Variants in TFEC observed in about 807,000 individuals in gnomAD.
The protein encoded by TFEC is transcription factor EC.
In TFEC, 31 loss-of-function variants were observed where a neutral mutation model predicts 41.6. The observed-to-expected ratio is 0.74, with a 90% CI of 0.56 to 1.01. The LOEUF is 1.01. TFEC is among the 50% of genes least tolerant of loss of function. TFEC has a pLI of 0.00. For missense variants in TFEC, 402 were observed against 404.1 expected, an observed-to-expected ratio of 0.99 and a Z score of 0.04; for synonymous variants, 143 against 140.6, an observed-to-expected ratio of 1.02 and a Z score of -0.12.
chr7:116,069,196 ACT>A (rs1475997793), intron 3 of TFEC, among the ~76,000 whole-genome samples: 1 of 151,606 alleles, frequency 6.6e-6, no homozygotes, highest in East Asian at 1.9e-4. Context: ...AGATAAAAAA[ACT>A]CTGGCAAAAT....
intron 3 of TFEC, among the ~76,000 whole-genome samples, chr7:116,076,064 G>A (rs533669979): frequency 6.8e-4 from 104 of 152,220 alleles, no homozygotes; most frequent in Non-Finnish European, 1.1e-3. Context: ...TGTTATCCAC[G>A]GCTGAAAGAC....
chr7:115,970,515 C>T (rs910974838), intron 3 of TFEC, among the ~76,000 whole-genome samples: 4 of 151,692 alleles, frequency 2.6e-5, no homozygotes, highest in Non-Finnish European at 5.9e-5. Context: ...AGAGGAAATG[C>T]GTTTAAAGGG....
chr7:115,970,962 G>C (rs1045245850), intron 3 of TFEC, among the ~76,000 whole-genome samples: 3 of 151,922 alleles, frequency 2.0e-5, no homozygotes, highest in Admixed American at 1.3e-4. Context: ...ATGTAAAATG[G>C]ACTAACGCAG....
chr7:116,068,692 A>G (rs761035727), intron 3 of TFEC, among the ~76,000 whole-genome samples: 1 of 151,620 alleles, frequency 6.6e-6, no homozygotes, highest in Admixed American at 6.6e-5. Context: ...TTGCCTTCAC[A>G]TATCTTAATG....
chr7:116,102,393 T>C (rs1797624520), intron 3 of TFEC, among the ~76,000 whole-genome samples: 1 of 152,202 alleles, frequency 6.6e-6, no homozygotes, highest in African/African-American at 2.4e-5. Flanking sequence ...ATTTAGATGA[T>C]GACTGATCTC....
intron 3 of TFEC, among the ~76,000 whole-genome samples, chr7:116,044,425 CACTT>C (rs1183027602): frequency 2.6e-5 from 4 of 152,282 alleles, no homozygotes; most frequent in South Asian, 2.1e-4. Flanking sequence ...TTGAACATAA[CACTT>C]AATTGTTTGA....
chr7:116,139,818 A>T (rs1798504455), intron 1 of TFEC, among the ~76,000 whole-genome samples: 1 of 152,178 alleles, frequency 6.6e-6, no homozygotes, highest in Non-Finnish European at 1.5e-5. Context: ...ATAAATCACC[A>T]GATGATGGTA....
chr7:115,981,562 A>C (rs1167518282), intron 2 of TFEC, among the ~76,000 whole-genome samples: 1 of 152,200 alleles, frequency 6.6e-6, no homozygotes, highest in Non-Finnish European at 1.5e-5. Flanking sequence ...AATGTGAATA[A>C]GGTATTGTAT....
chr7:116,114,998 G>A (rs1327823259), intron 1 of TFEC, among the ~76,000 whole-genome samples: 1 of 151,942 alleles, frequency 6.6e-6, no homozygotes, highest in Non-Finnish European at 1.5e-5. Context: ...TCATGAGCAT[G>A]AGGGATAGCC....
intron 3 of TFEC, among the ~76,000 whole-genome samples, chr7:116,096,503 T>G (rs1797464082): frequency 6.6e-6 from 1 of 152,168 alleles, no homozygotes; most frequent in South Asian, 2.1e-4. Flanking sequence ...TTTTAGCCAT[T>G]CTAATATGTG....
chr7:115,958,096 T>C (rs1189077799), intron 3 of TFEC, among the ~76,000 whole-genome samples: 1 of 151,874 alleles, frequency 6.6e-6, no homozygotes, highest in Non-Finnish European at 1.5e-5. Flanking sequence ...GTTTACTTTA[T>C]ATAAACTTAA....
upstream of TFEC, among the ~76,000 whole-genome samples, chr7:116,031,135 C>T (rs41281069): frequency 2.4e-4 from 36 of 152,086 alleles, no homozygotes; most frequent in Non-Finnish European, 5.0e-4. Context: ...AATTGACCTG[C>T]ATCATTTTTT....
chr7:116,035,185 T>A (rs1584431262), upstream of TFEC, among the ~76,000 whole-genome samples: 2 of 152,110 alleles, frequency 1.3e-5, no homozygotes, highest in South Asian at 2.1e-4. Context: ...ATAAAAAAAT[T>A]CCCTACTGCC....
At chr7:116,068,325 T>G (rs1238590506) in intron 3 of TFEC, among the ~76,000 whole-genome samples, 2 of 151,824 alleles carry the variant, frequency 1.3e-5, no homozygotes, top group African/African-American at 4.8e-5. Context: ...TAAAATTGTT[T>G]GATTAAGTAT....
chr7:116,018,358 C>T (rs139454322), intron 1 of TFEC, among the ~76,000 whole-genome samples: 232 of 152,276 alleles, frequency 1.5e-3, no homozygotes, highest in African/African-American at 5.4e-3. Flanking sequence ...TTGGGGACTT[C>T]AGTTATTACA....
At chr7:116,008,139 T>A (rs1378530929) in intron 1 of TFEC, among the ~76,000 whole-genome samples, 1 of 152,120 alleles carries the variant, frequency 6.6e-6, no homozygotes, top group African/African-American at 2.4e-5. Flanking sequence ...AACTAAAAAG[T>A]GATGGCAAAC....
chr7:116,017,315 G>C (rs756191407), intron 1 of TFEC, among the ~76,000 whole-genome samples: 1 of 151,282 alleles, frequency 6.6e-6, no homozygotes, highest in East Asian at 1.9e-4. Flanking sequence ...TCTGCCTCCC[G>C]GGTTCAAGTG....
intron 1 of TFEC, among the ~76,000 whole-genome samples, chr7:116,138,858 C>T (rs546778066): frequency 2.1e-4 from 32 of 152,114 alleles, no homozygotes; most frequent in Non-Finnish European, 3.7e-4. Flanking sequence ...AAGGCTTGAG[C>T]GGTCACCCAA....
At chr7:115,950,188 T>G (rs1247630882) in intron 6 of TFEC, among the ~76,000 whole-genome samples, 10 of 152,126 alleles carry the variant, frequency 6.6e-5, no homozygotes, top group South Asian at 4.1e-4. Context: ...ACTTTTGTAT[T>G]TTTAATAGAG....
Sources: gnomAD v4.1 joint callset for allele counts (sites outside exome capture counted in the v4.1 genomes callset) on GRCh38, gnomAD v4.1.1 for gene constraint, MANE v1.5 for transcripts, NCBI Gene and HGNC (gene_info 2026-07-23, HGNC 2026-07-21) for gene names.